The following SEPTIN7 variants were observed in gnomAD, a reference collection of about 807,000 sequenced individuals.
SEPTIN7 encodes the protein septin-7.
Under a neutral mutation model 63.3 loss-of-function variants are expected in SEPTIN7, and 10 were observed. That is an observed-to-expected ratio of 0.16 (90% CI 0.10 to 0.27). The LOEUF (loss-of-function observed/expected upper bound fraction) is 0.27. SEPTIN7 is among the 10% of genes least tolerant of loss of function. SEPTIN7 has a pLI of 1.00. For synonymous variants in SEPTIN7, 131 were observed against 165.3 expected, an observed-to-expected ratio of 0.79 and a Z score of 1.59; for missense variants, 310 against 521.0, an observed-to-expected ratio of 0.59 and a Z score of 3.94.
chr7:35,808,789 A>G (rs1435476733), intron 1 of SEPTIN7, among the ~76,000 whole-genome samples: 5 of 152,222 alleles, frequency 3.3e-5, no homozygotes, highest in Admixed American at 6.5e-5. Context: ...AGACCATAGC[A>G]TATGGATAGA....
Position 35,886,264 on chromosome 7 carries a change from G to T in SEPTIN7, c.872+385G>T, listed in dbSNP as rs1376720486. ...GAATTTGAATGTTAAAAGGTGCACA[G>T]CCTGGTAGCTGGTGAGTAGGGCACA... On this transcript the variant is annotated intron_variant, in intron 10 of 13. Transcript: ENST00000350320. Among the ~76,000 whole-genome samples the T allele has an allele frequency of 3.3e-5, 5 of 152,188 alleles. No individual in the cohort carries two copies. In the East Asian group the frequency reaches 9.6e-4, roughly 29 times the overall value.
chr7:35,884,970 A>G (rs550644128), intron 9 of SEPTIN7, among the ~76,000 whole-genome samples: 2 of 152,212 alleles, frequency 1.3e-5, no homozygotes, highest in African/African-American at 4.8e-5. Flanking sequence ...CTGAAACCAA[A>G]ATTGAGATTT....
At chr7:35,873,590 GT>G in intron 5 of SEPTIN7, 50 bp from the exon 6 acceptor site, 1 of 1,557,818 alleles carries the variant, frequency 6.4e-7, no homozygotes, top group East Asian at 2.3e-5. Flanking sequence ...ACAGTCATCA[GT>G]TAATTCATAT....
At chr7:35,802,977 A>T (rs1439320017) in intron 1 of SEPTIN7, among the ~76,000 whole-genome samples, 1 of 152,218 alleles carries the variant, frequency 6.6e-6, no homozygotes, top group Non-Finnish European at 1.5e-5. Context: ...CTATGATGGG[A>T]CAACATGATG....
chr7:35,878,078 G>C (rs1400815235), intron 6 of SEPTIN7, among the ~76,000 whole-genome samples: 1 of 152,128 alleles, frequency 6.6e-6, no homozygotes, highest in Non-Finnish European at 1.5e-5. Context: ...CACACTATCA[G>C]AAAGTTGAAA....
intron 3 of SEPTIN7, among the ~76,000 whole-genome samples, chr7:35,836,435 T>C (rs1358476451): frequency 6.6e-6 from 1 of 152,224 alleles, no homozygotes; most frequent in Non-Finnish European, 1.5e-5. Flanking sequence ...GTCATTTCTG[T>C]AATCTTGAAC....
intron 1 of SEPTIN7, among the ~76,000 whole-genome samples, chr7:35,830,315 T>C (rs1268798227): frequency 2.6e-5 from 4 of 152,038 alleles, no homozygotes; most frequent in Non-Finnish European, 4.4e-5. Flanking sequence ...GGGGAGGAAG[T>C]GTAGCAGGAG....
chr7:35,807,431 G>T (rs6979336), intron 1 of SEPTIN7, among the ~76,000 whole-genome samples: 3 of 146,488 alleles, frequency 2.0e-5, no homozygotes, highest in Non-Finnish European at 4.5e-5. Context: ...GCGCGATCTC[G>T]GCTCGCTGTA....
intron 3 of SEPTIN7, among the ~76,000 whole-genome samples, chr7:35,844,727 C>T (rs1242864564): frequency 2.0e-5 from 3 of 152,098 alleles, no homozygotes; most frequent in South Asian, 2.1e-4. Context: ...CTCAGCCTCC[C>T]GAGTAGCTGG....
At chr7:35,814,385 G>C (rs1351030274) in intron 1 of SEPTIN7, among the ~76,000 whole-genome samples, 1 of 152,082 alleles carries the variant, frequency 6.6e-6, no homozygotes, top group Admixed American at 6.5e-5. Flanking sequence ...TGATGTTGAG[G>C]ATCTCCTGTG....
Position 35,882,485 on chromosome 7 carries a change from TA to T in SEPTIN7, c.634del (p.Met212Ter). 1 of 1,460,874 alleles carries T rather than the reference TA, an allele frequency of 6.8e-7. No homozygotes were observed. Among genetic ancestry groups the T allele is most frequent in the Non-Finnish European group, 9.2e-7 (1 of 1,091,756 alleles). 90.5% of individuals were successfully genotyped at this position (1,460,874 alleles called of 1,614,324 possible). On this transcript the variant is annotated frameshift_variant and splice_region_variant, in exon 8 of 14. Coordinates refer to ENST00000350320, the MANE Select transcript of SEPTIN7 (RefSeq NM_001788.6). LOFTEE classifies it high-confidence loss of function. ...TGCTGACTACTTCTTCCATTTTAGATAATGAAAGAAATCCAAGAACATAAAA... is the reference window on the plus strand; with the variant it reads ...TGCTGACTACTTCTTCCATTTTAGATATGAAAGAAATCCAAGAACATAAAA... ...PEECQQFKKQIMKEIQEHKIK... is the reference protein window; with the variant it reads ...PEECQQFKKQXMKEIQEHKIK...
intron 3 of SEPTIN7, among the ~76,000 whole-genome samples, chr7:35,848,899 C>G (rs775790003): frequency 3.9e-5 from 6 of 152,168 alleles, no homozygotes; most frequent in Non-Finnish European, 8.8e-5. Flanking sequence ...TAACATACCT[C>G]TTAGCGCCTC....
intron 13 of SEPTIN7, among the ~76,000 whole-genome samples, chr7:35,903,569 A>G (rs1788449528): frequency 6.6e-6 from 1 of 152,208 alleles, no homozygotes; most frequent in Non-Finnish European, 1.5e-5. Flanking sequence ...ACATTCTTCA[A>G]AATCTATTAC....
At chr7:35,835,473 G>A (rs1445492817) in intron 3 of SEPTIN7, among the ~76,000 whole-genome samples, 2 of 152,168 alleles carry the variant, frequency 1.3e-5, no homozygotes, top group African/African-American at 2.4e-5. Flanking sequence ...GAGGCATAGC[G>A]AGATTAGGTT....
At chr7:35,840,698 A>T (rs1230061166) in intron 3 of SEPTIN7, among the ~76,000 whole-genome samples, 7 of 152,126 alleles carry the variant, frequency 4.6e-5, no homozygotes, top group Non-Finnish European at 7.4e-5. Flanking sequence ...TATTCATTCC[A>T]TGGATGTTAT....
intron 3 of SEPTIN7, among the ~76,000 whole-genome samples, chr7:35,860,718 C>T (rs1459237194): frequency 6.6e-6 from 1 of 152,168 alleles, no homozygotes; most frequent in African/African-American, 2.4e-5. Context: ...GGCTTATAGT[C>T]TTATTTGAGG....
chr7:35,811,333 A>G (rs1383184851), intron 1 of SEPTIN7, among the ~76,000 whole-genome samples: 1 of 152,200 alleles, frequency 6.6e-6, no homozygotes, highest in African/African-American at 2.4e-5. Flanking sequence ...TTAACATTTT[A>G]AAGTATTTCT....
chr7:35,897,312 G>C (rs910779226), intron 11 of SEPTIN7, among the ~76,000 whole-genome samples: 2 of 152,106 alleles, frequency 1.3e-5, no homozygotes, highest in African/African-American at 4.8e-5. Flanking sequence ...ATAATTTTCA[G>C]AGATTCTCAA....
At chr7:35,843,608 A>G (rs1394216624) in intron 3 of SEPTIN7, among the ~76,000 whole-genome samples, 1 of 152,268 alleles carries the variant, frequency 6.6e-6, no homozygotes. Flanking sequence ...TAGAAAAATT[A>G]GTAAAATTGT....
Sources: allele counts gnomAD v4.1 joint callset (sites outside exome capture counted in the v4.1 genomes callset), GRCh38; gene constraint gnomAD v4.1.1; transcripts MANE v1.5; gene names NCBI Gene and HGNC (gene_info 2026-07-23, HGNC 2026-07-21).